Variants in CACNA2D3 observed in about 807,000 individuals in gnomAD.
The protein encoded by CACNA2D3 is voltage-dependent calcium channel subunit alpha-2/delta-3.
Under a neutral mutation model 160.6 loss-of-function variants are expected in CACNA2D3, and 60 were observed. That is an observed-to-expected ratio of 0.37 (90% CI 0.30 to 0.46). The LOEUF (loss-of-function observed/expected upper bound fraction) is 0.46, where lower values mean the gene tolerates loss of function less well. Ranked by LOEUF, CACNA2D3 falls within the 20% of genes least tolerant of loss-of-function variation. The pLI is 1.00. For missense variants in CACNA2D3, 1,205 were observed against 1,365.0 expected (o/e 0.88, Z 1.85); for synonymous variants, 558 against 492.9 (o/e 1.13, Z -1.75).
At chr3:55,051,593 C>T (rs570336756) in intron 35 of CACNA2D3, among the ~76,000 whole-genome samples, 3 of 152,100 alleles carry the variant, frequency 2.0e-5, no homozygotes, top group East Asian at 3.9e-4. Context: ...GTGGAGGCTA[C>T]AGAGGCAGGC....
At chr3:55,034,150 G>A (rs574847906) in intron 35 of CACNA2D3, among the ~76,000 whole-genome samples, 1 of 151,848 alleles carries the variant, frequency 6.6e-6, no homozygotes, top group Admixed American at 6.6e-5. Flanking sequence ...CTCTGGAGAT[G>A]TGAAACCAAA....
intron 5 of CACNA2D3, among the ~76,000 whole-genome samples, chr3:54,559,315 T>G (rs1015014526): frequency 4.6e-5 from 7 of 152,178 alleles, no homozygotes; most frequent in African/African-American, 1.7e-4. Flanking sequence ...TTTTTATTGT[T>G]GAGACTGAGG....
chr3:54,782,419 C>T (rs934093437), intron 13 of CACNA2D3, among the ~76,000 whole-genome samples: 1 of 152,074 alleles, frequency 6.6e-6, no homozygotes, highest in Non-Finnish European at 1.5e-5. Context: ...ATCAAGTGCT[C>T]AATAAGTGCT....
intron 9 of CACNA2D3, among the ~76,000 whole-genome samples, chr3:54,601,361 C>T (rs1024297758): frequency 5.9e-5 from 9 of 152,128 alleles, no homozygotes; most frequent in African/African-American, 1.9e-4. Flanking sequence ...GTGTTTGCCA[C>T]CACTCCAGGG....
chr3:54,822,998 G>T (rs945540970), intron 14 of CACNA2D3, among the ~76,000 whole-genome samples: 1 of 151,596 alleles, frequency 6.6e-6, no homozygotes, highest in Non-Finnish European at 1.5e-5. Flanking sequence ...GGGATTACAG[G>T]CACCTGCCAC....
intron 2 of CACNA2D3, among the ~76,000 whole-genome samples, chr3:54,207,167 G>A: frequency 7.1e-6 from 1 of 140,588 alleles, no homozygotes; most frequent in East Asian, 2.8e-4. Context: ...GATAGAATGG[G>A]CCTTCTAGGC....
chr3:55,023,689 C>G (rs1703506968), intron 35 of CACNA2D3, among the ~76,000 whole-genome samples: 1 of 151,974 alleles, frequency 6.6e-6, no homozygotes, highest in African/African-American at 2.4e-5. Context: ...AATATATTTG[C>G]ATTTTGGCTT....
intron 2 of CACNA2D3, among the ~76,000 whole-genome samples, chr3:54,187,258 T>TA (rs1465188463): frequency 1.3e-5 from 2 of 152,212 alleles, no homozygotes; most frequent in Admixed American, 1.3e-4. Context: ...TGGGCTGTCT[T>TA]AGATGTTAGC....
chr3:54,583,035 A>G (rs1430713347), intron 9 of CACNA2D3, among the ~76,000 whole-genome samples: 1 of 152,200 alleles, frequency 6.6e-6, no homozygotes, highest in Non-Finnish European at 1.5e-5. Flanking sequence ...ATTCATGGTA[A>G]TTGTTTAGGC....
intron 2 of CACNA2D3, among the ~76,000 whole-genome samples, chr3:54,275,684 C>T (rs1431994271): frequency 6.6e-6 from 1 of 152,132 alleles, no homozygotes; most frequent in Non-Finnish European, 1.5e-5. Context: ...GTGGCATGAT[C>T]TCAGCTCACT....
chr3:54,285,768 C>A (rs1703003157), intron 2 of CACNA2D3, among the ~76,000 whole-genome samples: 1 of 152,204 alleles, frequency 6.6e-6, no homozygotes, highest in African/African-American at 2.4e-5. Context: ...ATTTGCGGTT[C>A]ACCAAAATCC....
In CACNA2D3 at chr3:54,984,606, A is replaced by G; in HGVS notation, c.2557-2A>G. 3 of 1,522,342 alleles carry G rather than the reference A, an allele frequency of 2.0e-6. No homozygotes were observed. Among genetic ancestry groups the G allele is most frequent in the East Asian group, 2.4e-5 (1 of 41,780 alleles). The allele number at this position is 1,522,342 out of a possible 1,614,324, so 94.3% of individuals were successfully genotyped here. On this transcript the variant is annotated splice_acceptor_variant, in intron 29 of 37. Transcript: ENST00000474759. LOFTEE classifies it high-confidence loss of function. Reference sequence around the variant, plus strand: ...GTTTTTGTTTTTTTTTTAATTTTCTAGACTGTGAATTGTTACCTCATAGAC... The same window carrying G: ...GTTTTTGTTTTTTTTTTAATTTTCTGGACTGTGAATTGTTACCTCATAGAC...
chr3:54,372,072 C>G (rs1698934413), intron 3 of CACNA2D3, among the ~76,000 whole-genome samples: 1 of 152,260 alleles, frequency 6.6e-6, no homozygotes, highest in African/African-American at 2.4e-5. Context: ...CATGCCTGGC[C>G]CCAAGGGCCT....
At chr3:54,460,929 T>G (rs1700492039) in intron 4 of CACNA2D3, among the ~76,000 whole-genome samples, 2 of 152,196 alleles carry the variant, frequency 1.3e-5, no homozygotes, top group African/African-American at 4.8e-5. Context: ...AGATAGCTCT[T>G]ATTATTTTGA....
At chr3:55,007,654 G>T in intron 32 of CACNA2D3, 136 bp from the exon 33 acceptor site, 2 of 608,722 alleles carry the variant, frequency 3.3e-6, no homozygotes, top group South Asian at 2.1e-5. Context: ...TCTTCACTTA[G>T]CTAGAACGCC....
chr3:54,911,381 T>A (rs79038671), intron 27 of CACNA2D3, among the ~76,000 whole-genome samples: 2,990 of 100,344 alleles, frequency 0.03, 160 homozygotes, highest in African/African-American at 0.098. Flanking sequence ...TTTAAAGAGA[T>A]GGGGGTCACA....
chr3:54,519,606 A>G (rs1276438088), intron 5 of CACNA2D3, among the ~76,000 whole-genome samples: 1 of 152,204 alleles, frequency 6.6e-6, no homozygotes, highest in Non-Finnish European at 1.5e-5. Flanking sequence ...TCCTATTCTA[A>G]GCAGTGCCTT....
chr3:54,910,403 C>T (rs189148599), intron 27 of CACNA2D3, among the ~76,000 whole-genome samples: 1 of 152,314 alleles, frequency 6.6e-6, no homozygotes, highest in East Asian at 1.9e-4. Context: ...GGAACCCACT[C>T]CACAATGAAA....
intron 25 of CACNA2D3, among the ~76,000 whole-genome samples, chr3:54,893,186 G>A (rs1394440198): frequency 6.6e-6 from 1 of 152,156 alleles, no homozygotes; most frequent in Non-Finnish European, 1.5e-5. Context: ...TGAGGTAGGA[G>A]AATCACTTGA....
Sources: gnomAD v4.1 joint callset for allele counts (sites outside exome capture counted in the v4.1 genomes callset) on GRCh38, gnomAD v4.1.1 for gene constraint, MANE v1.5 for transcripts, NCBI Gene and HGNC (gene_info 2026-07-23, HGNC 2026-07-21) for gene names.